The following SMYD3 variants were observed in gnomAD, a reference collection of about 807,000 sequenced individuals.
The protein encoded by SMYD3 is SET and MYND domain containing 3, also known as histone-lysine N-methyltransferase SMYD3.
SMYD3 carries 36 observed loss-of-function variants against 57.7 expected under a neutral mutation model. The observed-to-expected ratio is 0.62, with a 90% CI of 0.48 to 0.82. The LOEUF (loss-of-function observed/expected upper bound fraction) is 0.82. SMYD3 is among the 40% of genes least tolerant of loss of function. The pLI is 0.00. For synonymous variants in SMYD3, 211 were observed against 195.0 expected (o/e 1.08, Z -0.68); for missense variants, 515 against 538.8 (o/e 0.96, Z 0.44).
chr1:246,381,212 T>C (rs1210546609), intron 1 of SMYD3, among the ~76,000 whole-genome samples: 1 of 152,184 alleles, frequency 6.6e-6, no homozygotes, highest in Non-Finnish European at 1.5e-5. Context: ...TGGCCATGTC[T>C]AGAAAGTCGG....
At chr1:245,802,426 A>G (rs1432617032) in intron 10 of SMYD3, among the ~76,000 whole-genome samples, 2 of 152,266 alleles carry the variant, frequency 1.3e-5, no homozygotes, top group African/African-American at 4.8e-5. Context: ...TTATGAAAAT[A>G]GCTACTTGAT....
chr1:246,067,916 C>T (rs2060372375), intron 5 of SMYD3, among the ~76,000 whole-genome samples: 1 of 152,108 alleles, frequency 6.6e-6, no homozygotes, highest in Non-Finnish European at 1.5e-5. Context: ...TCTCCGGCAC[C>T]GACTGAGTAG....
intron 1 of SMYD3, among the ~76,000 whole-genome samples, chr1:246,370,710 T>C (rs1280280515): frequency 6.6e-6 from 1 of 152,240 alleles, no homozygotes; most frequent in African/African-American, 2.4e-5. Flanking sequence ...GAAAAGTTTC[T>C]TCTATATCAC....
At chr1:246,018,272 T>C (rs1257156221) in intron 5 of SMYD3, among the ~76,000 whole-genome samples, 1 of 152,160 alleles carries the variant, frequency 6.6e-6, no homozygotes, top group Admixed American at 6.5e-5. Context: ...GTTCCTTCCC[T>C]TTCCAAAACA....
chr1:246,257,718 G>A lies in SMYD3; in HGVS notation c.531+69483C>T, dbSNP rs527659021. ...TATGCGGTTGCTTTATAGGGTCTGT[G>A]GGCTATGTGCTTAAGGTGCTTTTGT... On this transcript the variant is annotated intron_variant, in intron 5 of 11. Transcript: ENST00000490107. 3.8e-4 allele frequency among the ~76,000 whole-genome samples: 58 copies of A among 152,328 alleles called. 2 individuals carry two copies. In the South Asian group the frequency reaches 0.012, roughly 30 times the overall value.
intron 10 of SMYD3, among the ~76,000 whole-genome samples, chr1:245,764,390 C>A (rs1290962286): frequency 1.3e-5 from 2 of 151,786 alleles, no homozygotes. Flanking sequence ...AGAAGGTCTC[C>A]CTCATAAACA....
At chr1:246,165,767 T>C (rs998395016) in intron 5 of SMYD3, among the ~76,000 whole-genome samples, 1 of 152,170 alleles carries the variant, frequency 6.6e-6, no homozygotes, top group Non-Finnish European at 1.5e-5. Flanking sequence ...CTTACAGATA[T>C]ATATATCTGT....
At chr1:246,229,658 T>C (rs1268517703) in intron 5 of SMYD3, among the ~76,000 whole-genome samples, 1 of 152,150 alleles carries the variant, frequency 6.6e-6, no homozygotes, top group East Asian at 1.9e-4. Flanking sequence ...GACTGCGTCA[T>C]CTCGTGACAG....
intron 5 of SMYD3, among the ~76,000 whole-genome samples, chr1:246,289,842 T>C (rs1024845572): frequency 1.3e-5 from 2 of 152,190 alleles, no homozygotes; most frequent in African/African-American, 4.8e-5. Flanking sequence ...ACTTCCTCAG[T>C]AGGGACTATT....
At chr1:246,494,687 T>C (rs1454610230) in intron 1 of SMYD3, among the ~76,000 whole-genome samples, 3 of 152,216 alleles carry the variant, frequency 2.0e-5, no homozygotes, top group East Asian at 3.8e-4. Context: ...ACATCTACTT[T>C]CTAACAAGAC....
chr1:246,114,071 A>G (rs1437429347), intron 5 of SMYD3, among the ~76,000 whole-genome samples: 2 of 152,218 alleles, frequency 1.3e-5, no homozygotes, highest in Non-Finnish European at 2.9e-5. Flanking sequence ...TTAGATTTTC[A>G]GCACTAATAG....
chr1:245,966,387 T>G (rs142837477), intron 5 of SMYD3, among the ~76,000 whole-genome samples: 2,628 of 152,260 alleles, frequency 0.017, 59 homozygotes, highest in African/African-American at 0.055. Flanking sequence ...CAGGCTGGTC[T>G]TGAACTCCTG....
intron 8 of SMYD3, among the ~76,000 whole-genome samples, chr1:245,871,355 T>G (rs946817496): frequency 2.0e-5 from 3 of 152,324 alleles, no homozygotes; most frequent in Non-Finnish European, 1.5e-5. Flanking sequence ...AATTTCCACC[T>G]CCTTTGACAA....
chr1:245,761,460 G>A (rs2045839562), intron 11 of SMYD3, among the ~76,000 whole-genome samples: 1 of 152,304 alleles, frequency 6.6e-6, no homozygotes, highest in South Asian at 2.1e-4. Flanking sequence ...ATAGCGAGAT[G>A]TCTGTCTGGG....
At chr1:246,074,029 T>G (rs1309466677) in intron 5 of SMYD3, among the ~76,000 whole-genome samples, 1 of 152,196 alleles carries the variant, frequency 6.6e-6, no homozygotes, top group African/African-American at 2.4e-5. Flanking sequence ...AACGCAAACT[T>G]GCAAACTTTC....
In SMYD3 at chr1:245,798,386, ACG is replaced by A. The variant is rs376590969; in HGVS notation, c.1077-34239_1077-34238del. Among the ~76,000 whole-genome samples the A allele has an allele frequency of 1.5e-3, 201 of 134,668 alleles. 63 individuals are homozygous for A. Among genetic ancestry groups the A allele is most frequent in the South Asian group, 4.5e-3 (17 of 3,770 alleles). The allele number at this position is 134,668 out of a possible 152,430, so 88.3% of individuals were successfully genotyped here. A position where few individuals can be genotyped will look rare whatever the true frequency, so the allele number is the denominator to read the frequency against. ...AGGATCTTGACCTGTCAACACACACACGCGCACACACACACACACATACACAC... is the reference window on the plus strand; with the variant it reads ...AGGATCTTGACCTGTCAACACACACACGCACACACACACACACATACACAC... On this transcript the variant is annotated intron_variant, in intron 10 of 11. Coordinates refer to ENST00000490107, the MANE Select transcript of SMYD3 (RefSeq NM_001167740.2).
At chr1:246,145,196 C>A (rs1043984477) in intron 5 of SMYD3, among the ~76,000 whole-genome samples, 1 of 152,162 alleles carries the variant, frequency 6.6e-6, no homozygotes, top group Non-Finnish European at 1.5e-5. Flanking sequence ...AAATTTTAAT[C>A]TGAGCTACAA....
chr1:246,331,143 A>G (rs936268250), intron 3 of SMYD3, among the ~76,000 whole-genome samples: 2 of 152,200 alleles, frequency 1.3e-5, no homozygotes, highest in Non-Finnish European at 2.9e-5. Flanking sequence ...TCAAAAAAGA[A>G]AAAAAGGAGA....
At chr1:245,826,848 TCA>T (rs1491107688) in intron 10 of SMYD3, among the ~76,000 whole-genome samples, 3 of 67,522 alleles carry the variant, frequency 4.4e-5, no homozygotes, top group African/African-American at 7.3e-5. Flanking sequence ...CCATCAGATC[TCA>T]AGAGAACTCA....
Sources: gnomAD v4.1 joint callset for allele counts (sites outside exome capture counted in the v4.1 genomes callset) on GRCh38, gnomAD v4.1.1 for gene constraint, MANE v1.5 for transcripts, NCBI Gene and HGNC (gene_info 2026-07-23, HGNC 2026-07-21) for gene names.